KMT2A: variants seen among roughly 807,000 people sequenced by gnomAD.
KMT2A encodes lysine methyltransferase 2A.
Under a neutral mutation model 345.3 loss-of-function variants are expected in KMT2A, and 16 were observed. The observed-to-expected ratio is 0.05, with a 90% confidence interval of 0.03 to 0.07. KMT2A has a LOEUF of 0.07. Ranked by LOEUF, KMT2A falls within the 10% of genes least tolerant of loss-of-function variation. The probability of loss-of-function intolerance (pLI) is 1.00; values close to 1 mark genes in which losing one functional copy is unlikely to be tolerated. For synonymous variants in KMT2A, 1,599 were observed against 1,778.6 expected (o/e 0.90, Z 2.54); for missense variants, 3,272 against 4,841.6 (o/e 0.68, Z 9.62).
chr11:118,471,839 C>T lies in KMT2A; in HGVS notation c.680C>T (p.Thr227Ile). The T allele has an allele frequency of 1.2e-6, 2 of 1,612,372 alleles. No individual in the cohort carries two copies. Among genetic ancestry groups the T allele is most frequent in the Non-Finnish European group, 1.7e-6 (2 of 1,179,454 alleles). The part of the protein sequence containing the change: ...SIEKKRGRPP[T>I]FPGVKIKITH... ...GAAAAGAAGAGAGGAAGACCTCCCA[C>T]CTTCCCTGGAGTAAAAATCAAAATA... The change falls in exon 3 of 36, where the codon ACC (threonine) becomes ATC (isoleucine). Residue 227 changes from threonine to isoleucine, a missense_variant. By Grantham distance (89) the Thr-to-Ile change is moderately conservative (BLOSUM62 -1). Around this residue, in one of 27 missense-constraint regions of KMT2A, gnomAD observed 412 missense variants for 511.0 expected, o/e 0.81. Coordinates refer to ENST00000534358, the MANE Select transcript of KMT2A (RefSeq NM_001197104.2).
intron 5 of KMT2A, among the ~76,000 whole-genome samples, chr11:118,478,410 A>G (rs9332787): frequency 2.0e-5 from 3 of 152,240 alleles, no homozygotes; most frequent in African/African-American, 7.2e-5. Context: ...TTCTGCAACA[A>G]TGGAAATGTT....
At chr11:118,483,450 G>A (rs1307343768) in intron 8 of KMT2A, among the ~76,000 whole-genome samples, 4 of 150,346 alleles carry the variant, frequency 2.7e-5, no homozygotes, top group South Asian at 2.1e-4. Context: ...GGAGAATGGC[G>A]TGAACCCGGG....
rs752791595 is a variant in KMT2A at position 118,497,090 on chromosome 11, C to A, written c.5664+723C>A. ...CGTGATCTCGGCTCACTACAACCTC[C>A]GCCTCCTATGTTCAAGCAATTCTCC... On this transcript the variant is annotated intron_variant, in intron 20 of 35. Transcript: ENST00000534358. This position sits in a 1 kb window ranked among gnomAD's most constrained non-coding sequence, Gnocchi z 4.8. Among the ~76,000 whole-genome samples, 5 of 152,148 alleles carry A rather than the reference C, an allele frequency of 3.3e-5. 1 individual carries two copies. The Middle Eastern group carries it at 0.01, about 311-fold the overall frequency.
At chr11:118,452,376 G>A (rs1203332571) in intron 1 of KMT2A, among the ~76,000 whole-genome samples, 1 of 152,018 alleles carries the variant, frequency 6.6e-6, no homozygotes, top group East Asian at 1.9e-4. Context: ...CTCTACAACA[G>A]AATAAGAATA....
At chr11:118,492,013 T>C in intron 15 of KMT2A, 85 bp downstream of exon 15, 1 of 938,362 alleles carries the variant, frequency 1.1e-6, no homozygotes, top group African/African-American at 1.7e-5. Context: ...TTCATTCTCC[T>C]CACTTAATTT....
chr11:118,521,038 C>A lies in KMT2A; in HGVS notation c.11513+153C>A. On this transcript the variant is annotated intron_variant, in intron 34 of 35. Transcript: ENST00000534358. This position sits in a 1 kb window ranked among gnomAD's most constrained non-coding sequence, Gnocchi z 5.3. ...CTCATATCCTGGGATCCTGCACCTC[C>A]TTGTGTTGAACAAGGACTTTAACAT... 1 of 671,140 alleles carries A rather than the reference C, an allele frequency of 1.5e-6. No individual in the cohort carries two copies. The highest frequency in any genetic ancestry group is 2.6e-6 in the Non-Finnish European group (1 of 380,314). 41.6% of individuals were successfully genotyped at this position (671,140 alleles called of 1,614,324 possible). A position where few individuals can be genotyped will look rare whatever the true frequency, so the allele number is the denominator to read the frequency against.
chr11:118,496,220 C>A lies in KMT2A; in HGVS notation c.5558-41C>A. On this transcript the variant is annotated intron_variant, in intron 19 of 35. Transcript: ENST00000534358. This position sits in a 1 kb window ranked among gnomAD's most constrained non-coding sequence, Gnocchi z 4.7. ...TCAGACATAGTATTGCCAATTTTAA[C>A]TGGATCTCAAGGTATTGATGGGAGT... 1 of 1,402,934 alleles carries A rather than the reference C, an allele frequency of 7.1e-7. No homozygotes were observed. The highest frequency in any genetic ancestry group is 1.0e-6 in the Non-Finnish European group (1 of 989,820). The allele number at this position is 1,402,934 out of a possible 1,614,324, so 86.9% of individuals were successfully genotyped here.
chr11:118,466,687 C>T (rs540130684), intron 1 of KMT2A, among the ~76,000 whole-genome samples: 4 of 151,966 alleles, frequency 2.6e-5, no homozygotes, highest in African/African-American at 7.2e-5. Context: ...TGGTGGCACA[C>T]GCCTGTAATT....
Position 118,503,659 on chromosome 11 carries a change from C to T in KMT2A, c.7767C>T (p.Asn2589=), listed in dbSNP as rs1950537501. 3 of 1,614,162 alleles carry T rather than the reference C, an allele frequency of 1.9e-6. No individual in the cohort carries two copies. The highest frequency in any genetic ancestry group is 1.1e-5 in the South Asian group (1 of 91,080). ...NNTSCQDSQS[N]NYQNLPVQDR... is the part of the protein sequence containing the mutation. ...CCTCATGCCAGGATTCTCAAAGTAA[C>T]AACTATCAGAATCTTCCAGTACAGG... is the stretch of plus-strand genomic sequence containing the variant. Residue 2589 remains asparagine (N), a synonymous_variant, in exon 27 of 36, where the codon AAC becomes AAT. Transcript: ENST00000534358. The surrounding 1 kb of genome is among the most constrained non-coding windows in gnomAD (Gnocchi z 5.3).
chr11:118,514,761 G>A (rs1950773214), intron 31 of KMT2A, among the ~76,000 whole-genome samples: 1 of 152,032 alleles, frequency 6.6e-6, no homozygotes, highest in Admixed American at 6.6e-5. Context: ...AGCCTCCCGA[G>A]TAGCTGGGAT....
chr11:118,484,717 T>C lies in KMT2A; in HGVS notation c.4219-145T>C, dbSNP rs147878170. 1 of 656,488 alleles carries C rather than the reference T, an allele frequency of 1.5e-6. No homozygotes were observed. Among genetic ancestry groups the C allele is most frequent in the African/African-American group, 1.8e-5 (1 of 54,796 alleles). The allele number at this position is 656,488 out of a possible 1,614,324, so 40.7% of individuals were successfully genotyped here. On this transcript the variant is annotated intron_variant, in intron 9 of 35. Coordinates refer to ENST00000534358, the MANE Select transcript of KMT2A (RefSeq NM_001197104.2). This position sits in a 1 kb window ranked among gnomAD's most constrained non-coding sequence, Gnocchi z 4.1. Reference sequence around the variant, plus strand: ...AGTCCGTGTCTGAGATTAAAACTTTTTAAAGCAGCAGTTATTTTTGGACTC... The same window carrying C: ...AGTCCGTGTCTGAGATTAAAACTTTCTAAAGCAGCAGTTATTTTTGGACTC...
At chr11:118,450,140 G>C (rs1555028389) in intron 1 of KMT2A, 1 of 151,802 alleles carries the variant, frequency 6.6e-6, no homozygotes, top group African/African-American at 2.4e-5. Context: ...TATTTTTTCT[G>C]CTTTAGCAAG....
chr11:118,455,717 A>T (rs1368224267), intron 1 of KMT2A, among the ~76,000 whole-genome samples: 5 of 144,640 alleles, frequency 3.5e-5, no homozygotes, highest in Non-Finnish European at 6.0e-5. Flanking sequence ...TTTTTTTTTG[A>T]GGCAGGGTCT....
At position 118,474,332 on chromosome 11, in the gene KMT2A, T is replaced by A; in HGVS notation, c.3156+17T>A. 6.2e-7 allele frequency: 1 copy of A among 1,606,486 alleles called. No individual in the cohort carries two copies. The highest frequency in any genetic ancestry group is 8.5e-7 in the Non-Finnish European group (1 of 1,177,002). On this transcript the variant is annotated intron_variant, in intron 3 of 35. Transcript: ENST00000534358. ...AAAGCACAGGTACTCTTTTCCACCT[T>A]GCCTATTAAAACTAACAGTTTATTG... is the stretch of plus-strand genomic sequence containing the variant.
In KMT2A at chr11:118,480,247, G is replaced by A. The variant is rs1359252325; in HGVS notation, c.3634+9G>A. 3 of 1,609,686 alleles carry A rather than the reference G, an allele frequency of 1.9e-6. No homozygotes were observed. The African/African-American group carries it at 4.0e-5, about 22-fold the overall frequency. ...GCAGAAGCAAGCTAAAGGTAGTGTT[G>A]TTAAAAAGGTCTTCCCCCAAATGCT... On this transcript the variant is annotated intron_variant, in intron 6 of 35. Transcript: ENST00000534358.
At position 118,498,817 on chromosome 11, in the gene KMT2A, A is replaced by G. The variant is rs1378570385; in HGVS notation, c.5961+289A>G. 6.6e-6 allele frequency among the ~76,000 whole-genome samples: 1 copy of G among 152,200 alleles called. No homozygotes were observed. Among genetic ancestry groups the G allele is most frequent in the African/African-American group, 2.4e-5 (1 of 41,442 alleles). On this transcript the variant is annotated intron_variant, in intron 22 of 35. Coordinates refer to ENST00000534358, the MANE Select transcript of KMT2A (RefSeq NM_001197104.2). This position sits in a 1 kb window ranked among gnomAD's most constrained non-coding sequence, Gnocchi z 4.4. ...TTTGGACAAATGTATAATGATGTAT[A>G]TCCACCATTATACCATCATATGGAG...
chr11:118,518,781 C>CA (rs372770910), intron 31 of KMT2A, among the ~76,000 whole-genome samples: 80,853 of 112,058 alleles, frequency 0.72, 29,308 homozygotes, highest in Middle Eastern at 0.81. Context: ...GAGTCTGTCT[C>CA]AAAAAAAAAA....
chr11:118,458,806 T>A (rs1001183677), intron 1 of KMT2A, among the ~76,000 whole-genome samples: 4 of 152,250 alleles, frequency 2.6e-5, no homozygotes, highest in African/African-American at 9.6e-5. Context: ...AGTGGTATTC[T>A]TTTTAAACTT....
intron 31 of KMT2A, 182 bp from the exon 32 acceptor site, chr11:118,519,436 T>A: frequency 3.7e-6 from 2 of 541,774 alleles, no homozygotes; most frequent in Non-Finnish European, 3.3e-6. Context: ...ATTTTCCATA[T>A]TGATAGATCT....
Sources: allele counts gnomAD v4.1 joint callset (sites outside exome capture counted in the v4.1 genomes callset), GRCh38; gene constraint gnomAD v4.1.1; regional missense constraint gnomAD v4.1.1; non-coding constraint Gnocchi (gnomAD v3.1); transcripts MANE v1.5; gene names NCBI Gene and HGNC (gene_info 2026-07-23, HGNC 2026-07-21).